Variants in ANO10 observed in about 807,000 individuals in gnomAD.
ANO10 encodes the protein anoctamin 10.
ANO10 carries 77 observed loss-of-function variants against 74.7 expected under a neutral mutation model. The ratio of observed to expected loss-of-function variants is 1.03; its 90% confidence interval spans 0.86 to 1.25. ANO10 has a LOEUF of 1.25. Among genes scored for constraint, ANO10 ranks in the 50% most tolerant of loss-of-function variants. The pLI, the probability that ANO10 is intolerant of heterozygous loss-of-function variation, is 0.00. For missense variants in ANO10, 721 were observed against 778.1 expected, an observed-to-expected ratio of 0.93 and a Z score of 0.87; for synonymous variants, 279 against 284.9, an observed-to-expected ratio of 0.98 and a Z score of 0.21.
chr3:43,409,373 C>A (rs2092628403), intron 12 of ANO10, among the ~76,000 whole-genome samples: 1 of 152,118 alleles, frequency 6.6e-6, no homozygotes, highest in Admixed American at 6.5e-5. Context: ...CACGGCAAAA[C>A]CCAGTCTCTA....
At chr3:43,460,255 C>T (rs1469420301) in intron 11 of ANO10, among the ~76,000 whole-genome samples, 2 of 152,106 alleles carry the variant, frequency 1.3e-5, no homozygotes, top group African/African-American at 4.8e-5. Context: ...TACAGCAAAG[C>T]CTTGGAAAGG....
chr3:43,430,520 T>C (rs2092964840), intron 12 of ANO10, among the ~76,000 whole-genome samples: 2 of 152,102 alleles, frequency 1.3e-5, no homozygotes, highest in South Asian at 4.1e-4. Context: ...CTGTTTGCCA[T>C]CAAACTGTGT....
intron 11 of ANO10, among the ~76,000 whole-genome samples, chr3:43,537,761 C>T (rs1316535258): frequency 6.6e-6 from 1 of 152,096 alleles, no homozygotes; most frequent in African/African-American, 2.4e-5. Flanking sequence ...TAGTCGATTT[C>T]AGTAACATAA....
intron 11 of ANO10, among the ~76,000 whole-genome samples, chr3:43,455,501 C>A (rs1008516714): frequency 1.3e-5 from 2 of 151,828 alleles, no homozygotes; most frequent in African/African-American, 4.8e-5. Context: ...GAGTCAGGCC[C>A]TTAAGTCCTT....
At chr3:43,390,911 T>G (rs969045745) in intron 12 of ANO10, among the ~76,000 whole-genome samples, 2 of 152,220 alleles carry the variant, frequency 1.3e-5, no homozygotes, top group African/African-American at 4.8e-5. Context: ...CACTTGCAAT[T>G]CTCATTTAGT....
intron 12 of ANO10, among the ~76,000 whole-genome samples, chr3:43,381,409 G>A (rs2091954786): frequency 6.6e-6 from 1 of 152,122 alleles, no homozygotes; most frequent in Admixed American, 6.6e-5. Flanking sequence ...AAGCAAGCAG[G>A]AGTAGCCAGT....
chr3:43,607,334 TA>T (rs113006272), intron 1 of ANO10, among the ~76,000 whole-genome samples: 2,709 of 118,440 alleles, frequency 0.023, 64 homozygotes, highest in African/African-American at 0.074. Flanking sequence ...AGACCCTGTC[TA>T]AAAAAAAAAA....
chr3:43,393,432 G>T (rs755260439), intron 12 of ANO10, among the ~76,000 whole-genome samples: 20 of 152,068 alleles, frequency 1.3e-4, no homozygotes, highest in Non-Finnish European at 2.5e-4. Flanking sequence ...CTTCTTACTG[G>T]TTTACTTATA....
chr3:43,624,700 T>A (rs1041715812), upstream of ANO10, among the ~76,000 whole-genome samples: 1 of 152,176 alleles, frequency 6.6e-6, no homozygotes, highest in African/African-American at 2.4e-5. Context: ...TCTCAGTTAT[T>A]TCTTTATAGC....
chr3:43,539,534 G>C (rs2078862614), intron 11 of ANO10, among the ~76,000 whole-genome samples: 1 of 152,184 alleles, frequency 6.6e-6, no homozygotes, highest in Non-Finnish European at 1.5e-5. Flanking sequence ...CTGTTGTTGA[G>C]AGCGGGAAGC....
rs147997616 is a variant in ANO10, at chr3:43,662,307, T to C, written c.-12+29210A>G. 4.2e-3 allele frequency among the ~76,000 whole-genome samples: 637 copies of C among 152,214 alleles called. 4 individuals carry two copies. The highest frequency in any genetic ancestry group is 0.025 in the South Asian group (119 of 4,826). On this transcript the variant is annotated intron_variant, in intron 1 of 3. Transcript: ENST00000413397. ...TGAACAACCTGCTCCTGAATGACTATTGGGTACATAACAAAATGAAGGCAG... is the reference window on the plus strand; with the variant it reads ...TGAACAACCTGCTCCTGAATGACTACTGGGTACATAACAAAATGAAGGCAG...
intron 1 of ANO10, among the ~76,000 whole-genome samples, chr3:43,649,922 G>T (rs2083769228): frequency 6.6e-6 from 1 of 152,232 alleles, no homozygotes; most frequent in Non-Finnish European, 1.5e-5. Context: ...CCACAGCAGT[G>T]TCCAGGGGTC....
chr3:43,371,415 T>C (rs1293808169), intron 12 of ANO10, among the ~76,000 whole-genome samples: 1 of 152,136 alleles, frequency 6.6e-6, no homozygotes, highest in Non-Finnish European at 1.5e-5. Context: ...CAGCCTTGGG[T>C]GTGCAGGCCT....
In ANO10 at chr3:43,600,364, A is replaced by G; in HGVS notation, c.337+20T>C. On this transcript the variant is annotated intron_variant, in intron 3 of 12. Transcript: ENST00000292246. ...TTTTGATAAATGGATTCTAACAGAG[A>G]CAAAGAACTTAGGGCTTACCATCAA... 6.2e-7 allele frequency: 1 copy of G among 1,613,376 alleles called. No individual in the cohort carries two copies. Among genetic ancestry groups the G allele is most frequent in the South Asian group, 1.1e-5 (1 of 91,066 alleles).
At chr3:43,654,910 C>A (rs991724583) in intron 1 of ANO10, among the ~76,000 whole-genome samples, 5 of 152,178 alleles carry the variant, frequency 3.3e-5, no homozygotes, top group African/African-American at 1.2e-4. Context: ...TTTCTCTAAG[C>A]AAAAGCATTT....
chr3:43,551,040 A>G (rs2079434004), intron 10 of ANO10, among the ~76,000 whole-genome samples: 1 of 152,174 alleles, frequency 6.6e-6, no homozygotes, highest in Non-Finnish European at 1.5e-5. Context: ...GTCAATACTA[A>G]AAGAGCTCCC....
chr3:43,449,473 G>A (rs1012534834), intron 11 of ANO10, among the ~76,000 whole-genome samples: 1 of 148,514 alleles, frequency 6.7e-6, no homozygotes, highest in Admixed American at 6.7e-5. Context: ...TGATCCATTT[G>A]GGATTAATTT....
intron 6 of ANO10, among the ~76,000 whole-genome samples, chr3:43,575,217 TAA>T (rs1248037473): frequency 6.6e-6 from 1 of 152,026 alleles, no homozygotes; most frequent in African/African-American, 2.4e-5. Flanking sequence ...GGGCAATAAA[TAA>T]AGTTTTCTGT....
chr3:43,452,985 G>A (rs907966945), intron 11 of ANO10, among the ~76,000 whole-genome samples: 2 of 152,094 alleles, frequency 1.3e-5, no homozygotes, highest in African/African-American at 4.8e-5. Flanking sequence ...AATCTTCTTT[G>A]TAGAAATGTC....
Sources: gnomAD v4.1 joint callset for allele counts (sites outside exome capture counted in the v4.1 genomes callset) on GRCh38, gnomAD v4.1.1 for gene constraint, MANE v1.5 for transcripts, NCBI Gene and HGNC (gene_info 2026-07-23, HGNC 2026-07-21) for gene names.